Variants in MLKL observed in about 807,000 individuals in gnomAD.
MLKL encodes mixed lineage kinase domain-like protein.
MLKL carries 55 observed loss-of-function variants against 56.5 expected under a neutral mutation model. The observed-to-expected ratio is 0.97, with a 90% CI of 0.78 to 1.22. The LOEUF (loss-of-function observed/expected upper bound fraction) is 1.22. Among genes scored for constraint, MLKL ranks in the 50% most tolerant of loss-of-function variants. The pLI, the probability that MLKL is intolerant of heterozygous loss-of-function variation, is 0.00. For synonymous variants in MLKL, 251 were observed against 208.3 expected (o/e 1.20, Z -1.76); for missense variants, 694 against 573.9 (o/e 1.21, Z -2.14).
chr16:74,681,489 T>G (rs887564095), intron 6 of MLKL, among the ~76,000 whole-genome samples: 2 of 151,324 alleles, frequency 1.3e-5, no homozygotes, highest in African/African-American at 4.9e-5. Context: ...ATAGGTAGAG[T>G]TGCCAAATAA....
chr16:74,698,815 T>A (rs1308664338), intron 1 of MLKL, among the ~76,000 whole-genome samples: 1 of 152,076 alleles, frequency 6.6e-6, no homozygotes, highest in Non-Finnish European at 1.5e-5. Context: ...AGTGGTGGCA[T>A]GGTATGAAGA....
chr16:74,696,901 C>T lies in MLKL; in HGVS notation c.-2-1142G>A, dbSNP rs899401163. ...TGAACCCAGGGGGTGGAGGTTGCACCATCTCAAAAAAATGTAATACATTAC... is the reference window on the plus strand; with the variant it reads ...TGAACCCAGGGGGTGGAGGTTGCACTATCTCAAAAAAATGTAATACATTAC... On this transcript the variant is annotated intron_variant, in intron 1 of 10. Transcript: ENST00000308807. Among the ~76,000 whole-genome samples, 3 of 145,156 alleles carry T rather than the reference C, an allele frequency of 2.1e-5. No homozygotes were observed. In the Admixed American group the frequency reaches 2.1e-4, roughly 10 times the overall value.
intron 4 of MLKL, among the ~76,000 whole-genome samples, chr16:74,689,228 C>T (rs1024104482): frequency 1.3e-5 from 2 of 151,688 alleles, no homozygotes; most frequent in African/African-American, 4.8e-5. Flanking sequence ...GATTCTCCTG[C>T]CTCAGCCTCC....
In MLKL at chr16:74,675,002, C is replaced by A. The variant is rs142380694; in HGVS notation, c.1339G>T (p.Glu447Ter). The A allele has an allele frequency of 3.9e-4, 630 of 1,614,188 alleles. No individual in the cohort carries two copies. Among genetic ancestry groups the A allele is most frequent in the Non-Finnish European group, 5.0e-4 (590 of 1,180,032 alleles). Residue 447 changes from glutamate to a stop codon, truncating the protein, a stop_gained, in exon 10 of 11, where the codon GAG (glutamate) becomes TAG (stop). Coordinates refer to ENST00000308807, the MANE Select transcript of MLKL (RefSeq NM_152649.4). LOFTEE classifies it low-confidence loss of function (END_TRUNC). The part of the protein sequence containing the change: ...CPSELREIID[E>*]CRAHDPSVRP... ...ACAGAGGGATCATGGGCCCGGCACTCATCAATGATCTCCCGCAGCTCTGAA... is the reference window on the plus strand; with the variant it reads ...ACAGAGGGATCATGGGCCCGGCACTAATCAATGATCTCCCGCAGCTCTGAA...
intron 6 of MLKL, among the ~76,000 whole-genome samples, chr16:74,681,883 C>T (rs1221676453): frequency 6.6e-6 from 1 of 152,008 alleles, no homozygotes; most frequent in Non-Finnish European, 1.5e-5. Flanking sequence ...TTCACGTACA[C>T]GCATATATAT....
chr16:74,679,187 T>A (rs1310651577), intron 6 of MLKL, among the ~76,000 whole-genome samples: 1 of 152,154 alleles, frequency 6.6e-6, no homozygotes, highest in African/African-American at 2.4e-5. Context: ...CAAGGGGGCA[T>A]GACAGCCCTT....
At chr16:74,683,248 G>A (rs1242486106) in intron 5 of MLKL, among the ~76,000 whole-genome samples, 1 of 149,082 alleles carries the variant, frequency 6.7e-6, no homozygotes, top group Non-Finnish European at 1.5e-5. Context: ...GGCAGAGATT[G>A]CACCACTGCA....
chr16:74,696,485 C>T (rs1031686555), intron 1 of MLKL, among the ~76,000 whole-genome samples: 2 of 151,542 alleles, frequency 1.3e-5, no homozygotes, highest in African/African-American at 2.4e-5. Context: ...TTTCTTCCTA[C>T]AGTCCTTTAA....
chr16:74,688,838 C>T (rs988698203), intron 4 of MLKL, among the ~76,000 whole-genome samples: 1 of 152,038 alleles, frequency 6.6e-6, no homozygotes, highest in African/African-American at 2.4e-5. Context: ...GTAGGATATC[C>T]ATACAACAGA....
intron 6 of MLKL, among the ~76,000 whole-genome samples, chr16:74,682,175 A>G (rs535594225): frequency 4.4e-4 from 67 of 152,210 alleles, no homozygotes; most frequent in African/African-American, 1.6e-3. Context: ...GAATCCCTTC[A>G]GCTCGGGAGG....
intron 6 of MLKL, among the ~76,000 whole-genome samples, chr16:74,680,111 C>G (rs1890710467): frequency 6.6e-6 from 1 of 152,146 alleles, no homozygotes; most frequent in Non-Finnish European, 1.5e-5. Flanking sequence ...TGGGCACTTT[C>G]AGCTGTCTAT....
chr16:74,698,515 C>T (rs1425740779), intron 1 of MLKL, among the ~76,000 whole-genome samples: 1 of 152,182 alleles, frequency 6.6e-6, no homozygotes, highest in African/African-American at 2.4e-5. Context: ...TAGTGGATCT[C>T]AGACTACCCA....
In MLKL at chr16:74,695,373, G is replaced by A. The variant is rs1960964616; in HGVS notation, c.385C>T (p.Gln129Ter). ...TCTTCCTGTGCCCAGGACGCTCCTTGGCTTATGGGTGAAACAGGCATGCGT... is the reference window on the plus strand; with the variant it reads ...TCTTCCTGTGCCCAGGACGCTCCTTAGCTTATGGGTGAAACAGGCATGCGT... ...EQRMPVSPIS[Q>*]GASWAQEDQQ... The change falls in exon 2 of 11, where the codon CAA becomes TAA. Residue 129 changes from glutamine to a stop codon, truncating the protein, a stop_gained. Transcript: ENST00000308807. LOFTEE classifies it high-confidence loss of function. 3 of 1,614,180 alleles carry A rather than the reference G, an allele frequency of 1.9e-6. No individual in the cohort carries two copies. Among genetic ancestry groups the A allele is most frequent in the South Asian group, 1.1e-5 (1 of 91,084 alleles).
chr16:74,685,388 C>G, intron 5 of MLKL, 98 bp downstream of exon 5: 1 of 863,582 alleles, frequency 1.2e-6, no homozygotes, highest in Non-Finnish European at 1.9e-6. Context: ...GTGGATTCCA[C>G]CCTTTGTGAT....
At chr16:74,680,307 A>G (rs1959865544) in intron 6 of MLKL, among the ~76,000 whole-genome samples, 1 of 152,164 alleles carries the variant, frequency 6.6e-6, no homozygotes, top group Non-Finnish European at 1.5e-5. Context: ...TAAACTCACT[A>G]GTTTAGGGAG....
At chr16:74,680,868 G>A (rs1288529295) in intron 6 of MLKL, among the ~76,000 whole-genome samples, 1 of 152,120 alleles carries the variant, frequency 6.6e-6, no homozygotes, top group Non-Finnish European at 1.5e-5. Context: ...AAGAGAATGT[G>A]GGTTGGATCA....
At chr16:74,698,831 G>A (rs1961208992) in intron 1 of MLKL, among the ~76,000 whole-genome samples, 1 of 152,148 alleles carries the variant, frequency 6.6e-6, no homozygotes, top group South Asian at 2.1e-4. Context: ...GAAGAAAATT[G>A]CAGCGGTCAC....
At chr16:74,672,658 G>C in intron 10 of MLKL, 120 bp from the exon 11 acceptor site, 1 of 881,634 alleles carries the variant, frequency 1.1e-6, no homozygotes, top group East Asian at 2.4e-5. Context: ...GGTCTGGCTG[G>C]TGCCTGAACC....
At chr16:74,674,125 T>A (rs151240247) in intron 10 of MLKL, among the ~76,000 whole-genome samples, 1 of 151,824 alleles carries the variant, frequency 6.6e-6, no homozygotes, top group South Asian at 2.1e-4. Context: ...TGGTGGGCTG[T>A]CCTATGCGTT....
Sources: allele counts gnomAD v4.1 joint callset (sites outside exome capture counted in the v4.1 genomes callset), GRCh38; gene constraint gnomAD v4.1.1; transcripts MANE v1.5; gene names NCBI Gene and HGNC (gene_info 2026-07-23, HGNC 2026-07-21).